Variants in RAC3 observed in about 807,000 individuals in gnomAD.
The protein encoded by RAC3 is ras-related C3 botulinum toxin substrate 3.
A neutral mutation model predicts 19.0 loss-of-function variants in RAC3; 9 were observed. That is an observed-to-expected ratio of 0.47 (90% CI 0.29 to 0.83). RAC3 has a LOEUF of 0.83. Among genes scored for constraint, RAC3 ranks in the 40% least tolerant of loss-of-function variants. The probability of loss-of-function intolerance (pLI) is 0.09; values close to 1 mark genes in which losing one functional copy is unlikely to be tolerated. For synonymous variants in RAC3, 146 were observed against 111.8 expected (o/e 1.31, Z -1.93); for missense variants, 203 against 260.8 (o/e 0.78, Z 1.53).
In RAC3 at chr17:82,033,694, G is replaced by C; in HGVS notation, c.449-5G>C. The C allele has an allele frequency of 4.3e-6, 7 of 1,612,024 alleles. No individual in the cohort carries two copies. Among genetic ancestry groups the C allele is most frequent in the Non-Finnish European group, 5.1e-6 (6 of 1,179,140 alleles). On this transcript the variant is annotated splice_region_variant and splice_polypyrimidine_tract_variant and intron_variant, in intron 5 of 5. Coordinates refer to ENST00000306897, the MANE Select transcript of RAC3 (RefSeq NM_005052.3). This position sits in a 1 kb window ranked among gnomAD's most constrained non-coding sequence, Gnocchi z 6.2. ...CTCACTGTCTCCCCTCCTCACTGCC[G>C]CTAGGCTCTGTGAAATACCTGGAGT... is the stretch of plus-strand genomic sequence containing the variant.
rs201140549 is a variant in RAC3, at chr17:82,033,595, G to A, written c.444G>A (p.Glu148=). ...CACAGGGCCTGGCCATGGCCCGGGA[G>A]ATTGGTGGGTAGGCGCTGGCGGCCT... ...TYPQGLAMAR[E]IGSVKYLECS... is the part of the protein sequence containing the mutation. Residue 148 remains glutamate (E), a synonymous_variant, in exon 5 of 6, where the codon GAG becomes GAA. Transcript: ENST00000306897. The surrounding 1 kb of genome is among the most constrained non-coding windows in gnomAD (Gnocchi z 6.2). 1.2e-6 allele frequency: 2 copies of A among 1,609,686 alleles called. No homozygotes were observed. The highest frequency in any genetic ancestry group is 1.7e-5 in the Admixed American group (1 of 59,784).
At position 82,033,027 on chromosome 17, in the gene RAC3, G is replaced by C. The variant is rs748126068; in HGVS notation, c.288+18G>C. On this transcript the variant is annotated intron_variant, in intron 4 of 5. Coordinates refer to ENST00000306897, the MANE Select transcript of RAC3 (RefSeq NM_005052.3). This position sits in a 1 kb window ranked among gnomAD's most constrained non-coding sequence, Gnocchi z 6.2. ...GTGCCAAGGTAGGGCAAGGCTGGGG[G>C]CCCCTGTGGGGAGAGGGCTTGCCCC... 2 of 1,608,588 alleles carry C rather than the reference G, an allele frequency of 1.2e-6. No individual in the cohort carries two copies. The highest frequency in any genetic ancestry group is 1.7e-6 in the Non-Finnish European group (2 of 1,176,144).
Position 82,033,524 on chromosome 17 carries a change from A to G in RAC3, c.373A>G (p.Thr125Ala). ...GCTGGACCTCCGCGACGACAAGGAC[A>G]CCATTGAGCGGCTGCGGGACAAGAA... The part of the protein sequence containing the change: ...TKLDLRDDKD[T>A]IERLRDKKLA... The change falls in exon 5 of 6, where the codon ACC becomes GCC. Residue 125 changes from threonine (T) to alanine (A), a missense_variant. By Grantham distance (58) the Thr-to-Ala change is moderately conservative. This residue lies in a region of RAC3 where 142 missense variants were observed against 158.2 expected (regional missense o/e 0.90). Transcript: ENST00000306897. This position sits in a 1 kb window ranked among gnomAD's most constrained non-coding sequence, Gnocchi z 6.2. 1 of 1,612,856 alleles carries G rather than the reference A, an allele frequency of 6.2e-7. No individual in the cohort carries two copies. Among genetic ancestry groups the G allele is most frequent in the Non-Finnish European group, 8.5e-7 (1 of 1,179,798 alleles).
chr17:82,032,837 C>T lies in RAC3; in HGVS notation c.225+9C>T, dbSNP rs762203207. ...TCTCCTACCCCCAAACTGTACGTAACAATGGGGCCAGCCCCGGGAGCTGGG... is the reference window on the plus strand; with the variant it reads ...TCTCCTACCCCCAAACTGTACGTAATAATGGGGCCAGCCCCGGGAGCTGGG... On this transcript the variant is annotated intron_variant, in intron 3 of 5. Coordinates refer to ENST00000306897, the MANE Select transcript of RAC3 (RefSeq NM_005052.3). 6.2e-7 allele frequency: 1 copy of T among 1,612,518 alleles called. No homozygotes were observed. Among genetic ancestry groups the T allele is most frequent in the South Asian group, 1.1e-5 (1 of 91,070 alleles).
In RAC3 at chr17:82,031,700, G is replaced by C; in HGVS notation, c.-62G>C. The C allele has an allele frequency of 1.1e-6, 1 of 943,400 alleles. No individual in the cohort carries two copies. Among genetic ancestry groups the C allele is most frequent in the Non-Finnish European group, 1.3e-6 (1 of 793,488 alleles). The allele number at this position is 943,400 out of a possible 1,614,324, so 58.4% of individuals were successfully genotyped here. A position where few individuals can be genotyped will look rare whatever the true frequency, so the allele number is the denominator to read the frequency against. On this transcript the variant is annotated 5_prime_UTR_variant, in exon 1 of 6. Coordinates refer to ENST00000306897, the MANE Select transcript of RAC3 (RefSeq NM_005052.3). ...GGCGCTCGGGTCCGCGGCCGCTGCG[G>C]CGCCGGGCATTTCTCCGCAGCTCGG...
chr17:82,032,670 GACCCCTCCCAAGCCCTGACCCTGCCCTC>G lies in RAC3; in HGVS notation c.108-38_108-11del. On this transcript the variant is annotated splice_polypyrimidine_tract_variant and intron_variant, in intron 2 of 5. Coordinates refer to ENST00000306897, the MANE Select transcript of RAC3 (RefSeq NM_005052.3). ...GGCCAGCAGGGCTGGGGGTTTCTGG[GACCCCTCCCAAGCCCTGACCCTGCCCTC>G]ACTGCTCTGCAGTTTTGACAACTAC... 6.3e-7 allele frequency: 1 copy of G among 1,577,174 alleles called. No individual in the cohort carries two copies. The highest frequency in any genetic ancestry group is 8.7e-7 in the Non-Finnish European group (1 of 1,147,652).
rs1396185693 is a variant in RAC3 at position 82,033,292 on chromosome 17, C to T, written c.289-148C>T. On this transcript the variant is annotated intron_variant, in intron 4 of 5. Transcript: ENST00000306897. This position sits in a 1 kb window ranked among gnomAD's most constrained non-coding sequence, Gnocchi z 6.2. ...CGTGTTTGTTCCTGGTATCTCCCCACCAAATCCGCCCCTGGTCACCCCTTG... is the reference window on the plus strand; with the variant it reads ...CGTGTTTGTTCCTGGTATCTCCCCATCAAATCCGCCCCTGGTCACCCCTTG... The T allele has an allele frequency of 1.9e-6, 2 of 1,044,890 alleles. No homozygotes were observed. Among genetic ancestry groups the T allele is most frequent in the African/African-American group, 3.2e-5 (2 of 61,982 alleles). 64.7% of individuals were successfully genotyped at this position (1,044,890 alleles called of 1,614,324 possible).
In RAC3 at chr17:82,032,988, C is replaced by G. The variant is rs777110982; in HGVS notation, c.267C>G (p.Ser89=). The G allele has an allele frequency of 5.5e-5, 88 of 1,613,482 alleles. No individual in the cohort carries two copies. Among genetic ancestry groups the G allele is most frequent in the Non-Finnish European group, 7.0e-5 (83 of 1,179,978 alleles). The part of the protein sequence containing the change: ...LICFSLVSPA[S]FENVRAKWYP... ...GCTTCTCTCTGGTGAGCCCGGCCTC[C>G]TTCGAGAATGTTCGTGCCAAGGTAG... The change falls in exon 4 of 6, where the codon TCC becomes TCG. Residue 89 remains serine (S), a synonymous_variant. Transcript: ENST00000306897.
At position 82,033,768 on chromosome 17, in the gene RAC3, TC is replaced by T; in HGVS notation, c.520del (p.Arg174AlafsTer9). On this transcript the variant is annotated frameshift_variant, in exon 6 of 6. Transcript: ENST00000306897. LOFTEE classifies it high-confidence loss of function. This position sits in a 1 kb window ranked among gnomAD's most constrained non-coding sequence, Gnocchi z 6.2. ...RGLKTVFDEA[I>X]RAVLCPPPVK... The stretch of plus-strand genomic sequence containing the variant: ...CTGAAGACAGTGTTTGACGAGGCGA[TC>T]CGCGCGGTGCTCTGCCCGCCCCCAG... The T allele has an allele frequency of 6.2e-7, 1 of 1,612,718 alleles. No homozygotes were observed. The highest frequency in any genetic ancestry group is 8.5e-7 in the Non-Finnish European group (1 of 1,179,808).
chr17:82,031,773 C>T lies in RAC3; in HGVS notation c.12C>T (p.Ile4=). ...CCCGGCCCGCGCCCATGCAGGCCAT[C>T]AAGTGCGTGGTGGTCGGCGACGGGT... MQA[I]KCVVVGDGAV... The change falls in exon 1 of 6, where the codon ATC becomes ATT. Residue 4 remains isoleucine, a synonymous_variant. Transcript: ENST00000306897. 1.0e-6 allele frequency: 1 copy of T among 995,546 alleles called. No individual in the cohort carries two copies. The highest frequency in any genetic ancestry group is 1.2e-6 in the Non-Finnish European group (1 of 838,708). 61.7% of individuals were successfully genotyped at this position (995,546 alleles called of 1,614,324 possible).
At position 82,033,560 on chromosome 17, in the gene RAC3, A is replaced by C. The variant is rs955570489; in HGVS notation, c.409A>C (p.Ile137Leu). ...ERLRDKKLAPITYPQGLAMAR... is the reference protein window; with the variant it reads ...ERLRDKKLAPLTYPQGLAMAR... Reference sequence around the variant, plus strand: ...GCTGCGGGACAAGAAGCTGGCACCCATCACCTACCCACAGGGCCTGGCCAT... The same window carrying C: ...GCTGCGGGACAAGAAGCTGGCACCCCTCACCTACCCACAGGGCCTGGCCAT... The change falls in exon 5 of 6, where the codon ATC becomes CTC. Residue 137 changes from isoleucine to leucine, a missense_variant. By Grantham distance (5) the Ile-to-Leu change is conservative. Around this residue, in one of 3 missense-constraint regions of RAC3, gnomAD observed 142 missense variants for 158.2 expected, o/e 0.90. Coordinates refer to ENST00000306897, the MANE Select transcript of RAC3 (RefSeq NM_005052.3). The surrounding 1 kb of genome is among the most constrained non-coding windows in gnomAD (Gnocchi z 6.2). 3.0e-5 allele frequency: 49 copies of C among 1,612,674 alleles called. No individual in the cohort carries two copies. Among genetic ancestry groups the C allele is most frequent in the Non-Finnish European group, 4.2e-5 (49 of 1,179,718 alleles).
At position 82,033,615 on chromosome 17, in the gene RAC3, C is replaced by T. The variant is rs779529995; in HGVS notation, c.448+16C>T. On this transcript the variant is annotated intron_variant, in intron 5 of 5. Coordinates refer to ENST00000306897, the MANE Select transcript of RAC3 (RefSeq NM_005052.3). The surrounding 1 kb of genome is among the most constrained non-coding windows in gnomAD (Gnocchi z 6.2). Reference sequence around the variant, plus strand: ...CGGGAGATTGGTGGGTAGGCGCTGGCGGCCTGCAGGGGAGGGGTGGGGAGG... The same window carrying T: ...CGGGAGATTGGTGGGTAGGCGCTGGTGGCCTGCAGGGGAGGGGTGGGGAGG... 3.7e-5 allele frequency: 59 copies of T among 1,604,336 alleles called. No homozygotes were observed. Among genetic ancestry groups the T allele is most frequent in the Middle Eastern group, 3.3e-4 (2 of 6,048 alleles).
At chr17:82,032,688 A>C in intron 2 of RAC3, 23 bp from the exon 3 acceptor site, 3 of 1,606,592 alleles carry the variant, frequency 1.9e-6, no homozygotes, top group East Asian at 4.5e-5. Context: ...CCAAGCCCTG[A>C]CCCTGCCCTC....
At position 82,032,738 on chromosome 17, in the gene RAC3, G is replaced by C. The variant is rs751918718; in HGVS notation, c.135G>C (p.Met45Ile). The C allele has an allele frequency of 6.2e-7, 1 of 1,613,110 alleles. No individual in the cohort carries two copies. The highest frequency in any genetic ancestry group is 1.1e-5 in the South Asian group (1 of 91,086). ...TTGACAACTACTCTGCCAACGTGAT[G>C]GTGGACGGGAAACCAGTCAACTTGG... ...TVFDNYSANVMVDGKPVNLGL... is the reference protein window; with the variant it reads ...TVFDNYSANVIVDGKPVNLGL... Residue 45 changes from methionine to isoleucine, a missense_variant, in exon 3 of 6, where the codon ATG becomes ATC. Transcript: ENST00000306897.
rs773177687 is a variant in RAC3, at chr17:82,033,802, G to A, written c.552G>A (p.Lys184=). The A allele has an allele frequency of 1.3e-5, 21 of 1,609,290 alleles. No homozygotes were observed. The highest frequency in any genetic ancestry group is 1.7e-5 in the Admixed American group (1 of 59,492). The stretch of plus-strand genomic sequence containing the variant: ...TGCTCTGCCCGCCCCCAGTGAAGAA[G>A]CCGGGGAAGAAGTGCACCGTCTTCT... The part of the protein sequence containing the change: ...RAVLCPPPVK[K]PGKKCTVF The change falls in exon 6 of 6, where the codon AAG becomes AAA. Residue 184 remains lysine, a synonymous_variant. Coordinates refer to ENST00000306897, the MANE Select transcript of RAC3 (RefSeq NM_005052.3). The surrounding 1 kb of genome is among the most constrained non-coding windows in gnomAD (Gnocchi z 6.2).
Position 82,033,305 on chromosome 17 carries a change from TG to T in RAC3, c.289-133del. 1 of 1,121,996 alleles carries T rather than the reference TG, an allele frequency of 8.9e-7. No individual in the cohort carries two copies. Among genetic ancestry groups the T allele is most frequent in the Non-Finnish European group, 1.2e-6 (1 of 812,682 alleles). 69.5% of individuals were successfully genotyped at this position (1,121,996 alleles called of 1,614,324 possible). A position where few individuals can be genotyped will look rare whatever the true frequency, so the allele number is the denominator to read the frequency against. On this transcript the variant is annotated intron_variant, in intron 4 of 5. Transcript: ENST00000306897. This position sits in a 1 kb window ranked among gnomAD's most constrained non-coding sequence, Gnocchi z 6.2. Reference sequence around the variant, plus strand: ...GGTATCTCCCCACCAAATCCGCCCCTGGTCACCCCTTGAAGGAAGAAGAGCC... The same window carrying T: ...GGTATCTCCCCACCAAATCCGCCCCTGTCACCCCTTGAAGGAAGAAGAGCC...
Position 82,032,690 on chromosome 17 carries a change from CCT to C in RAC3, c.108-20_108-19del, listed in dbSNP as rs2043442942. ...TCTGGGACCCCTCCCAAGCCCTGAC[CCT>C]GCCCTCACTGCTCTGCAGTTTTGAC... On this transcript the variant is annotated intron_variant, in intron 2 of 5. Transcript: ENST00000306897. The C allele has an allele frequency of 6.2e-7, 1 of 1,607,606 alleles. No individual in the cohort carries two copies. Among genetic ancestry groups the C allele is most frequent in the South Asian group, 1.1e-5 (1 of 90,984 alleles).
chr17:82,032,210 GC>G, intron 1 of RAC3, 176 bp from the exon 2 acceptor site: 1 of 623,270 alleles, frequency 1.6e-6, no homozygotes, highest in Non-Finnish European at 2.8e-6. Flanking sequence ...AGCCCCCGGA[GC>G]CCGGCCTGCC....
At chr17:82,032,908 G>A (rs1469520313) in intron 3 of RAC3, 39 bp from the exon 4 acceptor site, 1 of 1,610,086 alleles carries the variant, frequency 6.2e-7, no homozygotes, top group African/African-American at 1.3e-5. Flanking sequence ...GCCCTGGGGA[G>A]CCCCTGACCA....
Sources: gnomAD v4.1 joint callset for allele counts on GRCh38, gnomAD v4.1.1 for gene constraint, gnomAD v4.1.1 regional missense constraint, Gnocchi (gnomAD v3.1) non-coding constraint, MANE v1.5 for transcripts, NCBI Gene and HGNC (gene_info 2026-07-23, HGNC 2026-07-21) for gene names.